DHX57: variants seen among roughly 807,000 people sequenced by gnomAD.
The protein encoded by DHX57 is putative ATP-dependent RNA helicase DHX57.
A neutral mutation model predicts 156.2 loss-of-function variants in DHX57; 105 were observed. That is an observed-to-expected ratio of 0.67 (90% CI 0.57 to 0.79). The LOEUF is 0.79. Ranked by LOEUF, DHX57 falls within the 30% of genes least tolerant of loss-of-function variation. The pLI is 0.00. For missense variants in DHX57, 1,847 were observed against 1,661.9 expected (o/e 1.11, Z -1.94); for synonymous variants, 704 against 595.6 (o/e 1.18, Z -2.65).
chr2:38,845,784 T>A (rs146700483), intron 11 of DHX57, among the ~76,000 whole-genome samples: 1 of 152,140 alleles, frequency 6.6e-6, no homozygotes, highest in African/African-American at 2.4e-5. Context: ...CACTTACAAT[T>A]GTTTATACAG....
chr2:38,812,847 T>TGTTTGTTTGTTC (rs1670329401), intron 21 of DHX57, among the ~76,000 whole-genome samples: 1 of 147,976 alleles, frequency 6.8e-6, no homozygotes, highest in Non-Finnish European at 1.5e-5. Flanking sequence ...TTTACTTGTT[T>TGTTTGTTTGTTC]GTTTGTTTGT....
intron 17 of DHX57, among the ~76,000 whole-genome samples, chr2:38,821,609 C>T (rs929382328): frequency 6.6e-6 from 1 of 152,174 alleles, no homozygotes; most frequent in Non-Finnish European, 1.5e-5. Flanking sequence ...AGGAGAATCG[C>T]TTGAACCTGG....
chr2:38,837,151 T>C (rs1671719692), intron 13 of DHX57, among the ~76,000 whole-genome samples: 3 of 152,178 alleles, frequency 2.0e-5, no homozygotes, highest in Admixed American at 1.3e-4. Context: ...ACCTGGCATG[T>C]ATTATTATAA....
At chr2:38,831,582 T>C (rs1671384901) in intron 13 of DHX57, among the ~76,000 whole-genome samples, 1 of 152,262 alleles carries the variant, frequency 6.6e-6, no homozygotes, top group African/African-American at 2.4e-5. Context: ...AGGCTGGGCA[T>C]GGTGGCTCAC....
chr2:38,832,551 A>AT (rs36089129), intron 13 of DHX57, among the ~76,000 whole-genome samples: 4 of 89,400 alleles, frequency 4.5e-5, no homozygotes, highest in African/African-American at 1.2e-4. Context: ...ATATATATAT[A>AT]TTTTTTTTTT....
At chr2:38,837,535 C>A (rs979695028) in intron 13 of DHX57, among the ~76,000 whole-genome samples, 1 of 135,820 alleles carries the variant, frequency 7.4e-6, no homozygotes, top group Non-Finnish European at 1.5e-5. Context: ...CGCTTGAACC[C>A]GGGAGGCGGA....
At chr2:38,813,932 T>G in intron 20 of DHX57, 37 bp from the exon 21 acceptor site, 1 of 1,606,106 alleles carries the variant, frequency 6.2e-7, no homozygotes, top group Non-Finnish European at 8.5e-7. Context: ...ACAAGTGATA[T>G]GGCTATTTCT....
intron 17 of DHX57, 94 bp from the exon 18 acceptor site, chr2:38,819,238 G>C (rs528257752): frequency 1.8e-6 from 2 of 1,138,178 alleles, no homozygotes; most frequent in East Asian, 2.5e-5. Flanking sequence ...GCAGTGGTGC[G>C]ATCATAGCCC....
At chr2:38,842,453 T>C (rs1209220303) in intron 12 of DHX57, among the ~76,000 whole-genome samples, 1 of 152,206 alleles carries the variant, frequency 6.6e-6, no homozygotes, top group Non-Finnish European at 1.5e-5. Context: ...AATGTCCTCA[T>C]TTTGATCACT....
chr2:38,842,448 C>T lies in DHX57; in HGVS notation c.2425+557G>A, dbSNP rs759386912. 1.1e-3 allele frequency among the ~76,000 whole-genome samples: 170 copies of T among 152,232 alleles called. 1 individual carries two copies. Among genetic ancestry groups the T allele is most frequent in the Non-Finnish European group, 2.0e-3 (137 of 68,022 alleles). ...ATATAATTGTATCAGTGTTAAATGT[C>T]CTCATTTTGATCACTGTACTGTGGT... On this transcript the variant is annotated intron_variant, in intron 12 of 23. Transcript: ENST00000457308.
chr2:38,823,134 T>C lies in DHX57; in HGVS notation c.3150A>G (p.Glu1050=). ...AATGATACCCAAGAGGGGTCAATCT[T>C]TCATCTGGAGTTAATGCTCCTAAGT... ...LRDLGALTPD[E]RLTPLGYHLA... is the part of the protein sequence containing the mutation. The change falls in exon 17 of 24, where the codon GAA becomes GAG. Residue 1050 remains glutamate (E), a synonymous_variant. Coordinates refer to ENST00000457308, the MANE Select transcript of DHX57 (RefSeq NM_198963.3). The C allele has an allele frequency of 6.2e-7, 1 of 1,614,184 alleles. No homozygotes were observed. Among genetic ancestry groups the C allele is most frequent in the Non-Finnish European group, 8.5e-7 (1 of 1,180,038 alleles).
chr2:38,850,590 G>A (rs1486273786), intron 9 of DHX57, among the ~76,000 whole-genome samples: 1 of 142,640 alleles, frequency 7.0e-6, no homozygotes, highest in Non-Finnish European at 1.5e-5. Flanking sequence ...GTGAGCCACT[G>A]CACCTGGCCT....
chr2:38,853,927 T>C (rs1425582220), intron 9 of DHX57, 127 bp downstream of exon 9: 14 of 894,934 alleles, frequency 1.6e-5, no homozygotes, highest in African/African-American at 5.0e-5. Context: ...TTCTCTAACA[T>C]AGGCCTTCCT....
intron 16 of DHX57, among the ~76,000 whole-genome samples, chr2:38,824,347 T>C (rs1235060999): frequency 6.6e-6 from 1 of 152,220 alleles, no homozygotes; most frequent in Non-Finnish European, 1.5e-5. Context: ...TGCCAGGGGC[T>C]GGACATGAGG....
chr2:38,863,227 C>G lies in DHX57; in HGVS notation c.383+134G>C, dbSNP rs1200350950. On this transcript the variant is annotated intron_variant, in intron 3 of 23. Coordinates refer to ENST00000457308, the MANE Select transcript of DHX57 (RefSeq NM_198963.3). ...GCTGAATAATTATTCTTGTATTACT[C>G]TTGGCTCACTTTCAACTAATTAAAT... The G allele has an allele frequency of 4.4e-6, 4 of 913,682 alleles. No homozygotes were observed. In the Admixed American group the frequency reaches 9.2e-5, roughly 21 times the overall value. The allele number at this position is 913,682 out of a possible 1,614,324, so 56.6% of individuals were successfully genotyped here.
At chr2:38,859,663 T>C (rs1673086081) in intron 5 of DHX57, among the ~76,000 whole-genome samples, 1 of 152,058 alleles carries the variant, frequency 6.6e-6, no homozygotes, top group African/African-American at 2.4e-5. Flanking sequence ...GGTCGGGTGG[T>C]TAGTGAGTGA....
chr2:38,841,210 TTTAG>T (rs1274017294), intron 12 of DHX57, among the ~76,000 whole-genome samples: 2 of 152,230 alleles, frequency 1.3e-5, no homozygotes, highest in African/African-American at 4.8e-5. Flanking sequence ...ACACAAATTT[TTTAG>T]TTAGACATAT....
chr2:38,846,870 A>G (rs138914622), intron 11 of DHX57, 149 bp downstream of exon 11: 3 of 486,450 alleles, frequency 6.2e-6, no homozygotes, highest in Admixed American at 8.0e-5. Flanking sequence ...TTTTTTTCTC[A>G]ATAGATGGGG....
At position 38,802,983 on chromosome 2, in the gene DHX57, C is replaced by T; in HGVS notation, c.3817-68G>A. 4 of 1,570,042 alleles carry T rather than the reference C, an allele frequency of 2.5e-6. No individual in the cohort carries two copies. In the South Asian group the frequency reaches 3.4e-5, roughly 13 times the overall value. On this transcript the variant is annotated intron_variant, in intron 22 of 23. Transcript: ENST00000457308. ...AACAAAAAGGGAACAACCCCCCAGT[C>T]CCACGGATTTAAATACTGCCTATTA...
Sources: allele counts gnomAD v4.1 joint callset (sites outside exome capture counted in the v4.1 genomes callset), GRCh38; gene constraint gnomAD v4.1.1; transcripts MANE v1.5; gene names NCBI Gene and HGNC (gene_info 2026-07-23, HGNC 2026-07-21).